PDE4C: variants seen among roughly 807,000 people sequenced by gnomAD.
PDE4C encodes phosphodiesterase 4C.
PDE4C carries 50 observed loss-of-function variants against 63.9 expected under a neutral mutation model. The ratio of observed to expected loss-of-function variants is 0.78; its 90% CI spans 0.62 to 0.99. The LOEUF is 0.99. Among genes scored for constraint, PDE4C ranks in the 50% least tolerant of loss-of-function variants. The probability of loss-of-function intolerance (pLI) is 0.00; values close to 1 mark genes in which losing one functional copy is unlikely to be tolerated. For missense variants in PDE4C, 777 were observed against 899.1 expected, an observed-to-expected ratio of 0.86 and a Z score of 1.74; for synonymous variants, 377 against 385.1, an observed-to-expected ratio of 0.98 and a Z score of 0.25.
At chr19:18,227,152 C>T (rs933953811), upstream of PDE4C, among the ~76,000 whole-genome samples, 1 of 152,202 alleles carries the variant, frequency 6.6e-6, no homozygotes, top group Non-Finnish European at 1.5e-5. Flanking sequence ...CTCCTCTGCC[C>T]ATTTTCCAGA....
At chr19:18,244,146 C>T (rs1218634975) in intron 1 of PDE4C, among the ~76,000 whole-genome samples, 2 of 152,090 alleles carry the variant, frequency 1.3e-5, no homozygotes, top group Admixed American at 6.6e-5. Flanking sequence ...GCTAGGATTA[C>T]AGGCATGAAC....
chr19:18,231,183 C>G (rs1968840384), upstream of PDE4C, among the ~76,000 whole-genome samples: 1 of 152,188 alleles, frequency 6.6e-6, no homozygotes. Flanking sequence ...TGGGGTGAAC[C>G]CCTACCCTCA....
exon 1 of PDE4C, chr19:18,233,387 A>G: frequency 1.3e-6 from 1 of 740,904 alleles, no homozygotes; most frequent in Non-Finnish European, 2.4e-6. Flanking sequence ...GGAGCTGTCG[A>G]TGCCCAGATG....
intron 1 of PDE4C, chr19:18,224,156 C>T: frequency 1.0e-6 from 1 of 965,228 alleles, no homozygotes; most frequent in Non-Finnish European, 1.2e-6. Flanking sequence ...CTGTCTTTCC[C>T]TCTGGCTCCT....
At chr19:18,251,208 C>CT (rs1969225377), upstream of PDE4C, among the ~76,000 whole-genome samples, 1 of 151,804 alleles carries the variant, frequency 6.6e-6, no homozygotes, top group Non-Finnish European at 1.5e-5. Context: ...TCACTCCAAC[C>CT]TCCGCCTCCT....
At chr19:18,245,524 G>A (rs11672984) in intron 1 of PDE4C, among the ~76,000 whole-genome samples, 92,471 of 151,938 alleles carry the variant, frequency 0.61, 28,348 homozygotes, top group Middle Eastern at 0.71. Context: ...ATCTGCCGGG[G>A]ACACCCTTCC....
rs138832810 is a variant in PDE4C at position 18,222,657 on chromosome 19, TTCTCTCTCTCTCTCTC to T, written c.147-350_147-335del. Among the ~76,000 whole-genome samples the T allele has an allele frequency of 3.9e-4, 32 of 82,430 alleles. 1 individual carries two copies. Among genetic ancestry groups the T allele is most frequent in the Admixed American group, 1.1e-3 (7 of 6,182 alleles). The allele number at this position is 82,430 out of a possible 152,430, so 54.1% of individuals were successfully genotyped here. A position where few individuals can be genotyped will look rare whatever the true frequency, so the allele number is the denominator to read the frequency against. ...CTTTTTTTTTTTTCTTTCTCGTTCTTTCTCTCTCTCTCTCTCTCTCTCTCTCTCTCGCCCTTTCTTT... is the reference window on the plus strand; with the variant it reads ...CTTTTTTTTTTTTCTTTCTCGTTCTTTCTCTCTCTCTCTCGCCCTTTCTTT... On this transcript the variant is annotated intron_variant, in intron 1 of 14. Transcript: ENST00000262805.
upstream of PDE4C, among the ~76,000 whole-genome samples, chr19:18,227,417 T>A (rs1283789805): frequency 1.3e-5 from 2 of 152,052 alleles, no homozygotes; most frequent in South Asian, 4.1e-4. Flanking sequence ...TGTCTCCTCC[T>A]AGACAAACAT....
chr19:18,222,675 CT>C, intron 1 of PDE4C, among the ~76,000 whole-genome samples: 9 of 121,006 alleles, frequency 7.4e-5, no homozygotes, highest in Non-Finnish European at 8.8e-5. Context: ...CTCTCTCTCT[CT>C]CTCTCTCTCT....
At chr19:18,213,176 C>T (rs903812103) in intron 13 of PDE4C, among the ~76,000 whole-genome samples, 192 bp downstream of exon 13, 5 of 151,336 alleles carry the variant, frequency 3.3e-5, no homozygotes, top group East Asian at 2.0e-4. Context: ...CCCAGCTACT[C>T]GGGAGGCTGA....
At chr19:18,229,059 C>A (rs1476380481), upstream of PDE4C, among the ~76,000 whole-genome samples, 1 of 151,924 alleles carries the variant, frequency 6.6e-6, no homozygotes, top group East Asian at 1.9e-4. Context: ...CCTCAGCCTC[C>A]CAAGTAGCTG....
intron 1 of PDE4C, among the ~76,000 whole-genome samples, chr19:18,245,026 AG>A (rs1461515442): frequency 6.6e-6 from 1 of 151,948 alleles, no homozygotes; most frequent in Non-Finnish European, 1.5e-5. Flanking sequence ...TAGTAGAGAC[AG>A]GGTTTCACCA....
intron 1 of PDE4C, among the ~76,000 whole-genome samples, chr19:18,240,723 T>C (rs987357997): frequency 6.6e-6 from 1 of 151,682 alleles, no homozygotes; most frequent in African/African-American, 2.4e-5. Context: ...CGAGACTACG[T>C]CTCAAAAAAA....
At chr19:18,221,522 G>A (rs559568606) in intron 2 of PDE4C, among the ~76,000 whole-genome samples, 22 of 152,108 alleles carry the variant, frequency 1.4e-4, no homozygotes, top group African/African-American at 5.3e-4. Flanking sequence ...GAGTCCTAGG[G>A]GTACGTAGAT....
chr19:18,244,347 T>C (rs539212528), intron 1 of PDE4C, among the ~76,000 whole-genome samples: 5 of 151,364 alleles, frequency 3.3e-5, no homozygotes, highest in Admixed American at 1.3e-4. Flanking sequence ...CAGGCTGGAG[T>C]GCAGTGGCGC....
At chr19:18,232,540 A>G (rs538385895) in intron 1 of PDE4C, among the ~76,000 whole-genome samples, 1 of 152,094 alleles carries the variant, frequency 6.6e-6, no homozygotes, top group East Asian at 1.9e-4. Context: ...CTATGTTAGC[A>G]CAAGGACAGT....
chr19:18,212,946 A>T (rs1968023189), intron 13 of PDE4C, among the ~76,000 whole-genome samples: 1 of 145,508 alleles, frequency 6.9e-6, no homozygotes, highest in Non-Finnish European at 1.5e-5. Context: ...TCGGCCTCCC[A>T]AAGTGCTGGG....
chr19:18,211,524 C>A lies in PDE4C; in HGVS notation c.1695+235G>T, dbSNP rs548463276. Reference sequence around the variant, plus strand: ...TGTACGTGTCCCCCAGACTGGAAGCCCCTCCAGGGTCCCGCATGTCACCTA... The same window carrying A: ...TGTACGTGTCCCCCAGACTGGAAGCACCTCCAGGGTCCCGCATGTCACCTA... On this transcript the variant is annotated intron_variant, in intron 14 of 14. Coordinates refer to ENST00000262805, the Ensembl canonical transcript of PDE4C. Among the ~76,000 whole-genome samples the A allele has an allele frequency of 4.6e-5, 7 of 152,294 alleles. 1 individual carries two copies. Among genetic ancestry groups the A allele is most frequent in the African/African-American group, 1.7e-4 (7 of 41,556 alleles).
exon 2 of PDE4C, chr19:18,222,146 A>G: frequency 6.2e-7 from 1 of 1,612,374 alleles, no homozygotes; most frequent in Non-Finnish European, 8.5e-7. Context: ...CGCTGGCCAC[A>G]GAGGAGTTCC....
Sources: gnomAD v4.1 joint callset for allele counts (sites outside exome capture counted in the v4.1 genomes callset) on GRCh38, gnomAD v4.1.1 for gene constraint, MANE v1.5 for transcripts, NCBI Gene and HGNC (gene_info 2026-07-23, HGNC 2026-07-21) for gene names.